FMN1: variants seen among roughly 807,000 people sequenced by gnomAD.
FMN1 encodes formin-1.
In FMN1, 110 loss-of-function variants were observed where a neutral mutation model predicts 132.4. The ratio of observed to expected loss-of-function variants is 0.83; its 90% CI spans 0.71 to 0.97. FMN1 has a LOEUF of 0.97. Among genes scored for constraint, FMN1 ranks in the 50% least tolerant of loss-of-function variants. The pLI is 0.00. For missense variants in FMN1, 1,792 were observed against 1,705.3 expected (o/e 1.05, Z -0.90); for synonymous variants, 722 against 651.7 (o/e 1.11, Z -1.64).
At chr15:33,092,884 G>C (rs910256124) in intron 4 of FMN1, among the ~76,000 whole-genome samples, 2 of 152,126 alleles carry the variant, frequency 1.3e-5, no homozygotes, top group South Asian at 4.1e-4. Flanking sequence ...TGCACTGCAA[G>C]GATCTGAAAA....
Position 32,968,973 on chromosome 15 carries a change from G to T in FMN1, c.2728C>A (p.Pro910Thr). 1.0e-6 allele frequency: 1 copy of T among 976,442 alleles called. No homozygotes were observed. The allele number at this position is 976,442 out of a possible 1,614,324, so 60.5% of individuals were successfully genotyped here. The change falls in exon 8 of 21, where the codon CCG (proline) becomes ACG (threonine). Residue 910 changes from proline to threonine, a missense_variant. By Grantham distance (38) the Pro-to-Thr change is conservative. Coordinates refer to ENST00000616417, the MANE Select transcript of FMN1 (RefSeq NM_001277313.2). ...CTTGAAGGTGGAGGTAGAGGTGGCGGTGGAGGAGGCGGAGGTGGTAGCGGT... is the reference window on the plus strand; with the variant it reads ...CTTGAAGGTGGAGGTAGAGGTGGCGTTGGAGGAGGCGGAGGTGGTAGCGGT... ...GPPLPPPPPP[P>T]PPLPPPSSAG...
At chr15:32,923,310 G>C (rs908962921) in intron 10 of FMN1, among the ~76,000 whole-genome samples, 1 of 152,182 alleles carries the variant, frequency 6.6e-6, no homozygotes, top group Non-Finnish European at 1.5e-5. Flanking sequence ...ACAACACAAG[G>C]CCAAGTACAT....
chr15:33,013,894 G>A (rs2034884084), intron 6 of FMN1, among the ~76,000 whole-genome samples: 1 of 152,202 alleles, frequency 6.6e-6, no homozygotes, highest in Admixed American at 6.5e-5. Flanking sequence ...ACTATATTTT[G>A]CAATGATTCA....
At chr15:33,118,035 T>G (rs1369225679) in intron 4 of FMN1, among the ~76,000 whole-genome samples, 1 of 152,202 alleles carries the variant, frequency 6.6e-6, no homozygotes, top group Non-Finnish European at 1.5e-5. Context: ...GTTGTGAATT[T>G]GCAAAAATTT....
intron 4 of FMN1, among the ~76,000 whole-genome samples, chr15:33,123,989 T>C (rs1444386981): frequency 1.3e-5 from 2 of 152,222 alleles, no homozygotes; most frequent in South Asian, 2.1e-4. Context: ...TCAGTAACCA[T>C]AGCTACTAAG....
At chr15:33,127,651 T>C (rs1433022053) in intron 4 of FMN1, among the ~76,000 whole-genome samples, 1 of 152,134 alleles carries the variant, frequency 6.6e-6, no homozygotes, top group Non-Finnish European at 1.5e-5. Context: ...TCAGCACCAT[T>C]CCAACTGAAG....
At chr15:33,105,534 T>A (rs1277596159) in intron 4 of FMN1, among the ~76,000 whole-genome samples, 3 of 152,110 alleles carry the variant, frequency 2.0e-5, no homozygotes, top group Non-Finnish European at 4.4e-5. Flanking sequence ...AAATGCTGCC[T>A]AAAGGCAAGG....
intron 17 of FMN1, among the ~76,000 whole-genome samples, chr15:32,833,661 T>G (rs762674020): frequency 2.6e-5 from 4 of 152,186 alleles, no homozygotes; most frequent in Non-Finnish European, 4.4e-5. Context: ...TGATGAGATA[T>G]CCAAGCATCT....
At chr15:33,128,621 C>A (rs1322730067) in intron 4 of FMN1, among the ~76,000 whole-genome samples, 2 of 152,170 alleles carry the variant, frequency 1.3e-5, no homozygotes, top group African/African-American at 4.8e-5. Flanking sequence ...ACCTTTGCGG[C>A]AAGTGTTACA....
chr15:33,133,436 G>C (rs1423712534), intron 4 of FMN1, among the ~76,000 whole-genome samples: 1 of 152,176 alleles, frequency 6.6e-6, no homozygotes. Flanking sequence ...GGGCCAAAGA[G>C]TACGAACAGG....
intron 6 of FMN1, among the ~76,000 whole-genome samples, chr15:33,019,025 A>G (rs1173782355): frequency 6.6e-6 from 1 of 152,198 alleles, no homozygotes; most frequent in Non-Finnish European, 1.5e-5. Flanking sequence ...AGCTTCCACC[A>G]TGCGGAAGAG....
chr15:33,082,023 GTGT>G (rs1566899150), intron 5 of FMN1, among the ~76,000 whole-genome samples: 315 of 71,924 alleles, frequency 4.4e-3, no homozygotes, highest in African/African-American at 0.014. Context: ...GTTCAGGGGT[GTGT>G]GTGTGTGTGT....
intron 3 of FMN1, among the ~76,000 whole-genome samples, chr15:33,179,442 T>A (rs1343481056): frequency 6.6e-6 from 1 of 152,232 alleles, no homozygotes; most frequent in Non-Finnish European, 1.5e-5. Flanking sequence ...AGAATCTTTA[T>A]GACTCAATCT....
At chr15:32,891,622 G>A (rs1330018197) in intron 15 of FMN1, among the ~76,000 whole-genome samples, 1 of 151,948 alleles carries the variant, frequency 6.6e-6, no homozygotes, top group Non-Finnish European at 1.5e-5. Flanking sequence ...TGGGCAGTAT[G>A]GTCATTTTCA....
intron 6 of FMN1, among the ~76,000 whole-genome samples, chr15:33,014,642 G>GA (rs940568287): frequency 2.7e-5 from 4 of 150,612 alleles, no homozygotes; most frequent in Admixed American, 6.6e-5. Flanking sequence ...CATTTTGGAG[G>GA]AAAAAAAAAT....
At chr15:33,190,923 C>G (rs919271002) in intron 2 of FMN1, among the ~76,000 whole-genome samples, 2 of 152,162 alleles carry the variant, frequency 1.3e-5, no homozygotes, top group Non-Finnish European at 2.9e-5. Context: ...GTAATCCCAG[C>G]ACTTTGGAAG....
chr15:33,095,802 G>A (rs900947637), intron 4 of FMN1, among the ~76,000 whole-genome samples: 1 of 152,116 alleles, frequency 6.6e-6, no homozygotes, highest in African/African-American at 2.4e-5. Context: ...GCACCAGTGG[G>A]AAATCCAACT....
intron 7 of FMN1, among the ~76,000 whole-genome samples, chr15:32,969,984 A>C (rs1442458093): frequency 6.6e-6 from 1 of 152,264 alleles, no homozygotes; most frequent in Non-Finnish European, 1.5e-5. Context: ...GCAAGGGAAG[A>C]AGCCACGATA....
chr15:32,846,958 G>A (rs1353510645), intron 17 of FMN1, among the ~76,000 whole-genome samples: 2 of 152,134 alleles, frequency 1.3e-5, no homozygotes, highest in Non-Finnish European at 2.9e-5. Context: ...TTCACAAGGG[G>A]CTATACATAG....
Sources: allele counts gnomAD v4.1 joint callset (sites outside exome capture counted in the v4.1 genomes callset), GRCh38; gene constraint gnomAD v4.1.1; transcripts MANE v1.5; gene names NCBI Gene and HGNC (gene_info 2026-07-23, HGNC 2026-07-21).